The following PDK1 variants were observed in gnomAD, a reference collection of about 807,000 sequenced individuals.
PDK1 encodes pyruvate dehydrogenase kinase 1.
Under a neutral mutation model 54.2 loss-of-function variants are expected in PDK1, and 39 were observed. The ratio of observed to expected loss-of-function variants is 0.72; its 90% CI spans 0.56 to 0.94. PDK1 has a LOEUF of 0.94. Among genes scored for constraint, PDK1 ranks in the 40% least tolerant of loss-of-function variants. PDK1 has a pLI of 0.00. For missense variants in PDK1, 552 were observed against 566.0 expected (o/e 0.98, Z 0.25); for synonymous variants, 221 against 207.1 (o/e 1.07, Z -0.58).
chr2:172,645,926 A>G, the PDK1 span, among the ~76,000 whole-genome samples: 8 of 152,366 alleles, frequency 5.3e-5, no homozygotes, highest in South Asian at 1.2e-3. Context: ...GATTTTTAAA[A>G]CATTTCACTG....
chr2:172,594,853 A>G (rs1270758222), intron 10 of PDK1, among the ~76,000 whole-genome samples: 1 of 152,212 alleles, frequency 6.6e-6, no homozygotes, highest in Non-Finnish European at 1.5e-5. Flanking sequence ...CTCAGGTTCC[A>G]GTGACTTATA....
chr2:172,593,429 T>C (rs1443006334), intron 10 of PDK1, among the ~76,000 whole-genome samples: 2 of 152,172 alleles, frequency 1.3e-5, no homozygotes, highest in Non-Finnish European at 2.9e-5. Context: ...ACATTGTCTT[T>C]TTTGCAAAAG....
intron 9 of PDK1, 33 bp downstream of exon 9, chr2:172,586,421 T>C (rs1214955452): frequency 1.5e-6 from 2 of 1,330,540 alleles, no homozygotes; most frequent in South Asian, 1.2e-5. Flanking sequence ...AGTGTGTTTC[T>C]GTGAATTGCC....
chr2:172,611,085 T>C (rs1017022578), downstream of PDK1, among the ~76,000 whole-genome samples: 2 of 147,968 alleles, frequency 1.4e-5, no homozygotes, highest in African/African-American at 5.0e-5. Flanking sequence ...TGGTAGCGTA[T>C]AAAGCCAATA....
At chr2:172,579,663 C>T (rs1381655203) in intron 8 of PDK1, among the ~76,000 whole-genome samples, 3 of 151,240 alleles carry the variant, frequency 2.0e-5, no homozygotes, top group African/African-American at 7.3e-5. Flanking sequence ...TCTTATGTGA[C>T]CAGTTTTAGG....
intron 3 of PDK1, among the ~76,000 whole-genome samples, chr2:172,562,572 T>C (rs1688714943): frequency 1.3e-5 from 2 of 152,236 alleles, no homozygotes; most frequent in Admixed American, 6.5e-5. Context: ...ATGCTCCTTC[T>C]AATGGACAAC....
chr2:172,694,931 A>G, the PDK1 span, among the ~76,000 whole-genome samples: 491 of 152,288 alleles, frequency 3.2e-3, 4 homozygotes, highest in African/African-American at 0.011. Flanking sequence ...AGCCTGGCCA[A>G]CATGGTGAAA....
intron 8 of PDK1, among the ~76,000 whole-genome samples, chr2:172,571,990 C>T (rs548666012): frequency 6.6e-6 from 1 of 151,950 alleles, no homozygotes; most frequent in African/African-American, 2.4e-5. Context: ...CGCCACCACG[C>T]CTAGCTAATT....
At chr2:172,625,689 A>G in the PDK1 span, among the ~76,000 whole-genome samples, 1 of 151,914 alleles carries the variant, frequency 6.6e-6, no homozygotes, top group Non-Finnish European at 1.5e-5. Context: ...AGTACTTTCT[A>G]TTTGTTTTAA....
In PDK1 at chr2:172,601,466, A is replaced by G. The variant is rs1212175881; in HGVS notation, c.*5497A>G. The G allele has an allele frequency of 2.6e-5, 4 of 152,182 alleles. No individual in the cohort carries two copies. Among genetic ancestry groups the G allele is most frequent in the Non-Finnish European group, 5.9e-5 (4 of 68,030 alleles). 9.4% of individuals were successfully genotyped at this position (152,182 alleles called of 1,614,324 possible). On this transcript the variant is annotated 3_prime_UTR_variant, in exon 11 of 11. Coordinates refer to ENST00000282077, the MANE Select transcript of PDK1 (RefSeq NM_002610.5). ...TTGGATCATGGGGTTGGTTTCTCCC[A>G]TGCTGTTCTCGTGATAGTTCCCATG...
At chr2:172,637,005 C>T in the PDK1 span, among the ~76,000 whole-genome samples, 1 of 152,256 alleles carries the variant, frequency 6.6e-6, no homozygotes, top group South Asian at 2.1e-4. Flanking sequence ...CTTAAGTTCC[C>T]CAGAATCCCT....
At chr2:172,686,657 T>G in the PDK1 span, among the ~76,000 whole-genome samples, 2 of 152,226 alleles carry the variant, frequency 1.3e-5, no homozygotes, top group Admixed American at 1.3e-4. Context: ...CTCTTCACAA[T>G]AAATCTTGCT....
the PDK1 span, among the ~76,000 whole-genome samples, chr2:172,716,800 T>C: frequency 2.0e-5 from 3 of 152,194 alleles, no homozygotes; most frequent in Non-Finnish European, 4.4e-5. Flanking sequence ...GAGGTAAAAA[T>C]AGACATTGAA....
At chr2:172,723,286 C>G in the PDK1 span, 1 of 152,112 alleles carries the variant, frequency 6.6e-6, no homozygotes, top group Admixed American at 6.6e-5. Flanking sequence ...CTTTTGATGA[C>G]AAAGGATGAA....
the PDK1 span, among the ~76,000 whole-genome samples, chr2:172,622,809 G>GTATATGTTTATATATTATATATAATATGA: frequency 2.2e-5 from 3 of 139,200 alleles, no homozygotes; most frequent in African/African-American, 8.9e-5. Flanking sequence ...TATATATTAT[G>GTATATGTTTATATATTATATATAATATGA]TATATGTTTA....
chr2:172,586,961 C>T (rs1188779116), intron 9 of PDK1, among the ~76,000 whole-genome samples: 1 of 152,132 alleles, frequency 6.6e-6, no homozygotes, highest in African/African-American at 2.4e-5. Context: ...AACTCCCCCA[C>T]AAAAAGTATG....
At chr2:172,716,374 G>T in the PDK1 span, among the ~76,000 whole-genome samples, 1 of 151,680 alleles carries the variant, frequency 6.6e-6, no homozygotes, top group Admixed American at 6.6e-5. Context: ...TTGCTCTGTT[G>T]CCCAGGCTGG....
the PDK1 span, among the ~76,000 whole-genome samples, chr2:172,684,482 G>C: frequency 6.6e-6 from 1 of 152,124 alleles, no homozygotes; most frequent in Admixed American, 6.5e-5. Flanking sequence ...GTGACAGGAA[G>C]GGGGCTAGAT....
chr2:172,668,935 AG>A, the PDK1 span, among the ~76,000 whole-genome samples: 2 of 135,950 alleles, frequency 1.5e-5, no homozygotes, highest in Admixed American at 7.0e-5. Context: ...AGAGAGAGAG[AG>A]AGAAAGAGAG....
Sources: allele counts gnomAD v4.1 joint callset (sites outside exome capture counted in the v4.1 genomes callset), GRCh38; gene constraint gnomAD v4.1.1; transcripts MANE v1.5; gene names NCBI Gene and HGNC (gene_info 2026-07-23, HGNC 2026-07-21).